The following INPP5A variants were observed in gnomAD, a reference collection of about 807,000 sequenced individuals.
INPP5A encodes the protein 43 kDa inositol polyphosphate 5-phophatase.
A neutral mutation model predicts 65.2 loss-of-function variants in INPP5A; 14 were observed. That is an observed-to-expected ratio of 0.21 (90% CI 0.14 to 0.34). The LOEUF (loss-of-function observed/expected upper bound fraction) is 0.34. INPP5A is among the 10% of genes least tolerant of loss of function. The pLI, the probability that INPP5A is intolerant of heterozygous loss-of-function variation, is 1.00. For missense variants in INPP5A, 431 were observed against 545.6 expected, an observed-to-expected ratio of 0.79 and a Z score of 2.09; for synonymous variants, 207 against 208.3, an observed-to-expected ratio of 0.99 and a Z score of 0.05.
rs1166668259 is a variant in INPP5A, at chr10:132,616,813, G to A, written c.117+8857G>A. On this transcript the variant is annotated intron_variant, in intron 2 of 15. Transcript: ENST00000368594. This position sits in a 1 kb window ranked among gnomAD's most constrained non-coding sequence, Gnocchi z 4.9. ...ATCTCCTGTAGCTCTGGCCAGTGGCGAGTGGCACCATGCAGCAGGGAGGAA... is the reference window on the plus strand; with the variant it reads ...ATCTCCTGTAGCTCTGGCCAGTGGCAAGTGGCACCATGCAGCAGGGAGGAA... Among the ~76,000 whole-genome samples the A allele has an allele frequency of 6.6e-6, 1 of 152,030 alleles. No homozygotes were observed. Among genetic ancestry groups the A allele is most frequent in the African/African-American group, 2.4e-5 (1 of 41,362 alleles).
In INPP5A at chr10:132,685,808, G is replaced by A. The variant is rs139738434; in HGVS notation, c.307-4584G>A. The stretch of plus-strand genomic sequence containing the variant: ...AATGTGTGAGAAGTGGTCTGCTCCC[G>A]CCCTGAGTTGGCTGTGTTTGCAAAG... On this transcript the variant is annotated intron_variant, in intron 4 of 15. Transcript: ENST00000368594. Among the ~76,000 whole-genome samples, 1,125 of 152,322 alleles carry A rather than the reference G, an allele frequency of 7.4e-3. 8 individuals carry two copies. Among genetic ancestry groups the A allele is most frequent in the Middle Eastern group, 0.017 (5 of 294 alleles).
intron 1 of INPP5A, among the ~76,000 whole-genome samples, chr10:132,574,622 A>T: frequency 3.8e-5 from 5 of 131,360 alleles, no homozygotes; most frequent in Non-Finnish European, 6.4e-5. Context: ...TTTTTTTTTT[A>T]ATTTTGTATT....
At chr10:132,544,546 C>T (rs7912273) in intron 1 of INPP5A, among the ~76,000 whole-genome samples, 22,558 of 152,016 alleles carry the variant, frequency 0.15, 1,826 homozygotes, top group Admixed American at 0.21. Context: ...GTCTGTCTGC[C>T]GGGCAGGGAG....
At position 132,704,247 on chromosome 10, in the gene INPP5A, G is replaced by A. The variant is rs1225381017; in HGVS notation, c.475-4066G>A. ...TACCTTTTCTCCTGGAAAGACGCCT[G>A]CCTCCCACTGTCACTAGTAGAGGGG... On this transcript the variant is annotated intron_variant, in intron 6 of 15. Coordinates refer to ENST00000368594, the MANE Select transcript of INPP5A (RefSeq NM_005539.5). This position sits in a 1 kb window ranked among gnomAD's most constrained non-coding sequence, Gnocchi z 4.5. 6.6e-6 allele frequency among the ~76,000 whole-genome samples: 1 copy of A among 152,120 alleles called. No homozygotes were observed. The highest frequency in any genetic ancestry group is 1.5e-5 in the Non-Finnish European group (1 of 68,028).
At chr10:132,605,663 G>A (rs1193502093) in intron 1 of INPP5A, among the ~76,000 whole-genome samples, 2 of 152,118 alleles carry the variant, frequency 1.3e-5, no homozygotes, top group South Asian at 2.1e-4. Context: ...GCAGCGCCAC[G>A]CGGGCCAGAA....
intron 9 of INPP5A, among the ~76,000 whole-genome samples, chr10:132,743,399 A>G (rs2490653): frequency 0.041 from 2,441 of 58,878 alleles, 241 homozygotes; most frequent in Middle Eastern, 0.048. Flanking sequence ...AGCAGGGACC[A>G]GGCCCGGGAG....
rs144038662 is a variant in INPP5A at position 132,759,519 on chromosome 10, C to T, written c.904-6254C>T. Among the ~76,000 whole-genome samples, 761 of 152,296 alleles carry T rather than the reference C, an allele frequency of 5.0e-3. 6 individuals carry two copies. Among genetic ancestry groups the T allele is most frequent in the South Asian group, 0.02 (98 of 4,826 alleles). On this transcript the variant is annotated intron_variant, in intron 11 of 15. Coordinates refer to ENST00000368594, the MANE Select transcript of INPP5A (RefSeq NM_005539.5). ...AGGCGTTAGGGGCTGCCTGGGGCTT[C>T]GCTCGCTGCTGTGCTGTGGTAGCCG...
At chr10:132,584,809 C>T (rs907324217) in intron 1 of INPP5A, among the ~76,000 whole-genome samples, 1 of 152,182 alleles carries the variant, frequency 6.6e-6, no homozygotes, top group Non-Finnish European at 1.5e-5. Context: ...ACTCACAGTT[C>T]CCTGCCTCAA....
chr10:132,625,117 TC>T (rs1165150239), intron 2 of INPP5A, among the ~76,000 whole-genome samples: 55 of 56,496 alleles, frequency 9.7e-4, no homozygotes, highest in African/African-American at 3.9e-3. Flanking sequence ...CCCTCCCCCC[TC>T]CCCCTCCCTC....
At chr10:132,542,589 G>T (rs1390116350) in intron 1 of INPP5A, among the ~76,000 whole-genome samples, 1 of 152,136 alleles carries the variant, frequency 6.6e-6, no homozygotes, top group Non-Finnish European at 1.5e-5. Flanking sequence ...GAGTGGGGTG[G>T]GGGGGTCTCC....
chr10:132,619,486 G>A (rs1018154085), intron 2 of INPP5A, among the ~76,000 whole-genome samples: 1 of 152,170 alleles, frequency 6.6e-6, no homozygotes, highest in Non-Finnish European at 1.5e-5. Context: ...CCAGGCACAG[G>A]GTACAAGCTG....
rs2072554334 is a variant in INPP5A at position 132,650,158 on chromosome 10, G to C, written c.219-260G>C. On this transcript the variant is annotated intron_variant, in intron 3 of 15. Coordinates refer to ENST00000368594, the MANE Select transcript of INPP5A (RefSeq NM_005539.5). This position sits in a 1 kb window ranked among gnomAD's most constrained non-coding sequence, Gnocchi z 5.5. Reference sequence around the variant, plus strand: ...GAGTTCTCAATGTCTCCATCCCTGGGATGCCTCAGACCCCGGCATCTCACA... The same window carrying C: ...GAGTTCTCAATGTCTCCATCCCTGGCATGCCTCAGACCCCGGCATCTCACA... Among the ~76,000 whole-genome samples, 1 of 152,204 alleles carries C rather than the reference G, an allele frequency of 6.6e-6. No individual in the cohort carries two copies. The highest frequency in any genetic ancestry group is 1.5e-5 in the Non-Finnish European group (1 of 68,036).
At chr10:132,696,595 C>A (rs539118803) in intron 5 of INPP5A, among the ~76,000 whole-genome samples, 54 of 152,348 alleles carry the variant, frequency 3.5e-4, no homozygotes, top group African/African-American at 1.2e-3. Context: ...GTGATTCCAA[C>A]TCTGTGACAC....
rs538183335 is a variant in INPP5A at position 132,605,649 on chromosome 10, C to T, written c.76-2266C>T. On this transcript the variant is annotated intron_variant, in intron 1 of 15. Coordinates refer to ENST00000368594, the MANE Select transcript of INPP5A (RefSeq NM_005539.5). The stretch of plus-strand genomic sequence containing the variant: ...TCCAAGCTGGGGTCAGCCAGGCAGA[C>T]GCAGCAGCGCCACGCGGGCCAGAAA... Among the ~76,000 whole-genome samples the T allele has an allele frequency of 1.6e-3, 247 of 152,174 alleles. 1 individual carries two copies. The highest frequency in any genetic ancestry group is 4.5e-3 in the African/African-American group (187 of 41,528).
chr10:132,758,289 G>C (rs1312981371), intron 11 of INPP5A, among the ~76,000 whole-genome samples: 2 of 101,782 alleles, frequency 2.0e-5, no homozygotes, highest in African/African-American at 3.4e-5. Context: ...GACCCCACAG[G>C]CCAGTGCGAT....
chr10:132,729,652 G>C (rs1040275113), intron 9 of INPP5A, among the ~76,000 whole-genome samples: 2 of 152,196 alleles, frequency 1.3e-5, no homozygotes, highest in Non-Finnish European at 2.9e-5. Context: ...AGGAGCCCTC[G>C]TCCCAGCCCT....
rs956358317 is a variant in INPP5A, at chr10:132,545,936, G to A, written c.75+7765G>A. Among the ~76,000 whole-genome samples the A allele has an allele frequency of 3.3e-5, 5 of 152,226 alleles. No individual in the cohort carries two copies. Among genetic ancestry groups the A allele is most frequent in the African/African-American group, 1.2e-4 (5 of 41,458 alleles). ...GGTGATGAGAGTGTGGATGGCACCT[G>A]CACTGTGTCCACTCTTTAGGCTCTA... On this transcript the variant is annotated intron_variant, in intron 1 of 15. Coordinates refer to ENST00000368594, the MANE Select transcript of INPP5A (RefSeq NM_005539.5). The surrounding 1 kb of genome is among the most constrained non-coding windows in gnomAD (Gnocchi z 4.6).
intron 11 of INPP5A, among the ~76,000 whole-genome samples, chr10:132,764,024 AGAGGCTG>A (rs1846785534): frequency 6.6e-6 from 1 of 152,234 alleles, no homozygotes; most frequent in Non-Finnish European, 1.5e-5. Context: ...GGCCCTTCCC[AGAGGCTG>A]TGGGTGCTGG....
intron 1 of INPP5A, among the ~76,000 whole-genome samples, chr10:132,576,698 C>T (rs1015475914): frequency 2.6e-5 from 4 of 152,220 alleles, no homozygotes; most frequent in Admixed American, 2.6e-4. Flanking sequence ...TAAATGTTTA[C>T]CTTCTTAAAT....
Sources: gnomAD v4.1 joint callset for allele counts (sites outside exome capture counted in the v4.1 genomes callset) on GRCh38, gnomAD v4.1.1 for gene constraint, Gnocchi (gnomAD v3.1) non-coding constraint, MANE v1.5 for transcripts, NCBI Gene and HGNC (gene_info 2026-07-23, HGNC 2026-07-21) for gene names.